The following RASGEF1A variants were observed in gnomAD, a reference collection of about 807,000 sequenced individuals.
RASGEF1A encodes the protein ras-GEF domain-containing family member 1A.
Under a neutral mutation model 56.4 loss-of-function variants are expected in RASGEF1A, and 18 were observed. The ratio of observed to expected loss-of-function variants is 0.32; its 90% CI spans 0.22 to 0.47. The LOEUF (loss-of-function observed/expected upper bound fraction) is 0.47, where lower values mean the gene tolerates loss of function less well. Among genes scored for constraint, RASGEF1A ranks in the 20% least tolerant of loss-of-function variants. RASGEF1A has a pLI of 1.00. For missense variants in RASGEF1A, 422 were observed against 627.1 expected (o/e 0.67, Z 3.49); for synonymous variants, 245 against 242.6 (o/e 1.01, Z -0.09).
At chr10:43,245,378 C>T (rs560642247) in intron 1 of RASGEF1A, among the ~76,000 whole-genome samples, 3 of 152,176 alleles carry the variant, frequency 2.0e-5, no homozygotes, top group Admixed American at 6.5e-5. Context: ...CAATCCCTTA[C>T]AATGTCCTTC....
intron 1 of RASGEF1A, among the ~76,000 whole-genome samples, chr10:43,238,959 TCTTA>T (rs1488029621): frequency 6.6e-6 from 1 of 152,234 alleles, no homozygotes; most frequent in African/African-American, 2.4e-5. Context: ...GAAGTTTCTT[TCTTA>T]GTCATTCACA....
chr10:43,227,159 C>T (rs983808324), intron 1 of RASGEF1A, among the ~76,000 whole-genome samples: 2 of 152,180 alleles, frequency 1.3e-5, no homozygotes, highest in Non-Finnish European at 2.9e-5. Context: ...CCAGCAGTTC[C>T]CTGGAGGGCG....
At chr10:43,228,307 A>G (rs1453709167) in intron 1 of RASGEF1A, among the ~76,000 whole-genome samples, 2 of 151,438 alleles carry the variant, frequency 1.3e-5, no homozygotes, top group Non-Finnish European at 2.9e-5. Context: ...TGGCCACCAT[A>G]CCTAAGGCAC....
At chr10:43,198,243 C>A in intron 9 of RASGEF1A, 48 bp from the exon 10 acceptor site, 1 of 1,491,094 alleles carries the variant, frequency 6.7e-7, no homozygotes, top group South Asian at 1.2e-5. Flanking sequence ...CCATGCCCCT[C>A]CGACCTGCTC....
intron 1 of RASGEF1A, chr10:43,208,143 C>T (rs1187479840): frequency 3.0e-6 from 3 of 985,346 alleles, no homozygotes; most frequent in Non-Finnish European, 3.6e-6. Flanking sequence ...GGGACAACCT[C>T]CCCAAGATCA....
chr10:43,250,139 C>T (rs370034233), intron 1 of RASGEF1A, among the ~76,000 whole-genome samples: 1 of 152,240 alleles, frequency 6.6e-6, no homozygotes, highest in African/African-American at 2.4e-5. Context: ...AGGACCGGTG[C>T]AGCTCCCTGC....
chr10:43,210,932 T>G (rs11238474), intron 1 of RASGEF1A, among the ~76,000 whole-genome samples: 7,920 of 53,728 alleles, frequency 0.15, 736 homozygotes, highest in African/African-American at 0.26. Flanking sequence ...TGCAGGGAGT[T>G]GGGGACAGGC....
In RASGEF1A at chr10:43,200,979, TG is replaced by T; in HGVS notation, c.460-92del. On this transcript the variant is annotated intron_variant, in intron 4 of 12. Transcript: ENST00000395810. ...AGGATCCATCTCACCTCCAGGGATG[TG>T]CCTAACCAACGTGAGCCCACAGCCC... 6.6e-6 allele frequency: 8 copies of T among 1,216,206 alleles called. No individual in the cohort carries two copies. The South Asian group carries it at 1.0e-4, about 16-fold the overall frequency. The allele number at this position is 1,216,206 out of a possible 1,614,324, so 75.3% of individuals were successfully genotyped here.
chr10:43,201,742 C>T, intron 4 of RASGEF1A, 66 bp downstream of exon 4: 1 of 1,437,866 alleles, frequency 7.0e-7, no homozygotes, highest in Non-Finnish European at 9.3e-7. Flanking sequence ...CCGAAGCCCC[C>T]ACCCTCCCGA....
chr10:43,207,900 G>A, intron 1 of RASGEF1A: 1 of 513,384 alleles, frequency 1.9e-6, no homozygotes, highest in Non-Finnish European at 2.5e-6. Context: ...AACCCCAGGA[G>A]TTCCAAGTCC....
intron 1 of RASGEF1A, among the ~76,000 whole-genome samples, chr10:43,222,376 T>C (rs913513044): frequency 2.0e-5 from 3 of 152,088 alleles, no homozygotes; most frequent in African/African-American, 7.2e-5. Flanking sequence ...GAACCAACCA[T>C]GTGATGAAAG....
At chr10:43,215,829 C>T (rs1433312526) in intron 1 of RASGEF1A, among the ~76,000 whole-genome samples, 6 of 152,142 alleles carry the variant, frequency 3.9e-5, no homozygotes, top group Non-Finnish European at 8.8e-5. Context: ...ATCAGTGCTC[C>T]GACAGAGGAG....
intron 10 of RASGEF1A, 60 bp downstream of exon 10, chr10:43,197,944 G>C: frequency 6.9e-7 from 1 of 1,451,216 alleles, no homozygotes; most frequent in Non-Finnish European, 9.5e-7. Flanking sequence ...GCTAATGCCT[G>C]GCGGCTCCAG....
intron 1 of RASGEF1A, among the ~76,000 whole-genome samples, chr10:43,216,282 C>T (rs1210979818): frequency 1.3e-5 from 2 of 152,150 alleles, no homozygotes; most frequent in Non-Finnish European, 2.9e-5. Context: ...GTGGGTGGGC[C>T]GCCTGCCCCA....
intron 10 of RASGEF1A, 108 bp downstream of exon 10, chr10:43,197,896 C>T: frequency 1.0e-6 from 1 of 960,368 alleles, no homozygotes; most frequent in South Asian, 1.6e-5. Context: ...TTGTGAACCT[C>T]AGGCAGGGCT....
rs1420251891 is a variant in RASGEF1A, at chr10:43,196,681, G to A, written c.1349-133C>T. 7 of 879,150 alleles carry A rather than the reference G, an allele frequency of 8.0e-6. No homozygotes were observed. Among genetic ancestry groups the A allele is most frequent in the Non-Finnish European group, 1.3e-5 (7 of 551,856 alleles). 54.5% of individuals were successfully genotyped at this position (879,150 alleles called of 1,614,324 possible). A position where few individuals can be genotyped will look rare whatever the true frequency, so the allele number is the denominator to read the frequency against. On this transcript the variant is annotated intron_variant, in intron 11 of 12. Transcript: ENST00000395810. This position sits in a 1 kb window ranked among gnomAD's most constrained non-coding sequence, Gnocchi z 4.6. The stretch of plus-strand genomic sequence containing the variant: ...GCTGGGCTGAACACAGTTCTCTGCT[G>A]TGCGGGGCTCTCAGGCTGCCTGTTG...
chr10:43,218,483 C>G (rs1337754875), intron 1 of RASGEF1A, among the ~76,000 whole-genome samples: 3 of 152,246 alleles, frequency 2.0e-5, no homozygotes, highest in Admixed American at 6.5e-5. Context: ...ACCCTCCTCT[C>G]TCTCAACCCT....
chr10:43,248,436 C>G (rs950443438), intron 1 of RASGEF1A, among the ~76,000 whole-genome samples: 1 of 150,278 alleles, frequency 6.7e-6, no homozygotes, highest in Non-Finnish European at 1.5e-5. Flanking sequence ...TACACTAAAA[C>G]CCACTAAATC....
chr10:43,201,550 G>C (rs1839898806), intron 4 of RASGEF1A, among the ~76,000 whole-genome samples: 1 of 152,230 alleles, frequency 6.6e-6, no homozygotes, highest in Non-Finnish European at 1.5e-5. Context: ...CCAGGAGAGG[G>C]TTGAGACAAT....
Sources: allele counts gnomAD v4.1 joint callset (sites outside exome capture counted in the v4.1 genomes callset), GRCh38; gene constraint gnomAD v4.1.1; non-coding constraint Gnocchi (gnomAD v3.1); transcripts MANE v1.5; gene names NCBI Gene and HGNC (gene_info 2026-07-23, HGNC 2026-07-21).